Variants in PCDHA4 observed in about 807,000 individuals in gnomAD.
PCDHA4 encodes the protein protocadherin alpha 4, also known as protocadherin alpha-4.
A neutral mutation model predicts 61.4 loss-of-function variants in PCDHA4; 49 were observed. The ratio of observed to expected loss-of-function variants is 0.80; its 90% CI spans 0.63 to 1.01. The LOEUF (loss-of-function observed/expected upper bound fraction) is 1.01, where lower values mean the gene tolerates loss of function less well. Ranked by LOEUF, PCDHA4 falls within the 50% of genes least tolerant of loss-of-function variation. PCDHA4 has a pLI of 0.00. For synonymous variants in PCDHA4, 590 were observed against 550.3 expected (o/e 1.07, Z -1.01); for missense variants, 1,254 against 1,235.8 (o/e 1.01, Z -0.22).
At chr5:141,007,395 C>CAAAA (rs35800918) in intron 3 of PCDHA4, among the ~76,000 whole-genome samples, 7 of 94,852 alleles carry the variant, frequency 7.4e-5, no homozygotes, top group East Asian at 2.9e-4. Context: ...TACTAAAATA[C>CAAAA]AAAAAAAAAA....
rs781814958 is a variant in PCDHA4 at position 140,869,604 on chromosome 5, A to G, written c.2385+60032A>G. On this transcript the variant is annotated intron_variant, in intron 1 of 3. Transcript: ENST00000530339. ...ATGCTGACATTGAAGAGAATGCTCTATTGACCTACAGGCTAAGTAAAAATG... is the reference window on the plus strand; with the variant it reads ...ATGCTGACATTGAAGAGAATGCTCTGTTGACCTACAGGCTAAGTAAAAATG... 5 of 1,613,944 alleles carry G rather than the reference A, an allele frequency of 3.1e-6. No individual in the cohort carries two copies. In the African/African-American group the frequency reaches 4.0e-5, roughly 13 times the overall value.
chr5:140,886,122 C>T (rs1394228638), intron 1 of PCDHA4, among the ~76,000 whole-genome samples: 1 of 152,116 alleles, frequency 6.6e-6, no homozygotes, highest in Non-Finnish European at 1.5e-5. Context: ...AACATAGTTC[C>T]GTAACAACCA....
chr5:141,007,377 A>C (rs13186204), intron 3 of PCDHA4, among the ~76,000 whole-genome samples: 7,611 of 136,554 alleles, frequency 0.056, 239 homozygotes, highest in South Asian at 0.11. Flanking sequence ...ATGATGGAAC[A>C]CCATCTCTAC....
At chr5:140,998,903 G>C (rs1465203456) in intron 3 of PCDHA4, among the ~76,000 whole-genome samples, 1 of 152,156 alleles carries the variant, frequency 6.6e-6, no homozygotes, top group East Asian at 1.9e-4. Context: ...CAATGCCTCC[G>C]GGAGGTAGCT....
At chr5:140,836,476 T>G (rs2150261790) in intron 1 of PCDHA4, 1 of 1,613,860 alleles carries the variant, frequency 6.2e-7, no homozygotes, top group South Asian at 1.1e-5. Context: ...GATGTCAACG[T>G]GTACCTGATC....
intron 1 of PCDHA4, among the ~76,000 whole-genome samples, chr5:140,889,581 T>C (rs566040851): frequency 3.0e-4 from 45 of 152,324 alleles, no homozygotes; most frequent in Non-Finnish European, 4.3e-4. Flanking sequence ...ATTTTTGTTT[T>C]TGCTTTGAAA....
chr5:140,929,465 A>G (rs2086179280), intron 1 of PCDHA4: 1 of 1,322,058 alleles, frequency 7.6e-7, no homozygotes, highest in African/African-American at 1.5e-5. Flanking sequence ...CTGTGCCAAG[A>G]AATCTGGAAG....
intron 1 of PCDHA4, among the ~76,000 whole-genome samples, chr5:140,921,856 G>A (rs2080440097): frequency 6.6e-6 from 1 of 151,824 alleles, no homozygotes; most frequent in Non-Finnish European, 1.5e-5. Flanking sequence ...AGATGTGTGT[G>A]TATATATACA....
intron 1 of PCDHA4, among the ~76,000 whole-genome samples, chr5:140,962,475 T>C (rs772721001): frequency 2.0e-5 from 3 of 152,232 alleles, no homozygotes; most frequent in Non-Finnish European, 4.4e-5. Context: ...TCTCTTTGTT[T>C]ATTCTAAGCA....
At chr5:140,930,356 A>G (rs1554207746) in intron 1 of PCDHA4, 1 of 152,106 alleles carries the variant, frequency 6.6e-6, no homozygotes, top group African/African-American at 2.4e-5. Context: ...CAAATATTTC[A>G]ATTTATCTGT....
intron 1 of PCDHA4, among the ~76,000 whole-genome samples, chr5:140,964,992 A>G (rs1459979924): frequency 6.6e-6 from 1 of 152,098 alleles, no homozygotes; most frequent in Non-Finnish European, 1.5e-5. Flanking sequence ...CAGGCCTTTG[A>G]ATTCTGGGTG....
Position 140,928,819 on chromosome 5 carries a change from G to A in PCDHA4, c.2386-50130G>A, listed in dbSNP as rs1464149149. On this transcript the variant is annotated intron_variant, in intron 1 of 3. Coordinates refer to ENST00000530339, the MANE Select transcript of PCDHA4 (RefSeq NM_018907.4). ...GGTGGTAGTGGTTCGGGACCATGGAGACCCACCACTTTCCTCCTCTGTCAC... is the reference window on the plus strand; with the variant it reads ...GGTGGTAGTGGTTCGGGACCATGGAAACCCACCACTTTCCTCCTCTGTCAC... 8 of 1,614,024 alleles carry A rather than the reference G, an allele frequency of 5.0e-6. No homozygotes were observed. In the Admixed American group the frequency reaches 1.0e-4, roughly 20 times the overall value.
chr5:140,907,883 G>GTGAA (rs2073669227), intron 1 of PCDHA4, among the ~76,000 whole-genome samples: 1 of 152,110 alleles, frequency 6.6e-6, no homozygotes, highest in Non-Finnish European at 1.5e-5. Flanking sequence ...CACTCACATG[G>GTGAA]GATACAAATA....
chr5:140,941,191 T>TTTTTTC (rs1554213809), intron 1 of PCDHA4, among the ~76,000 whole-genome samples: 1 of 93,206 alleles, frequency 1.1e-5, no homozygotes, highest in African/African-American at 3.9e-5. Context: ...GCTTCTTTTT[T>TTTTTTC]TTTCTTTCTT....
At chr5:140,969,152 T>C in intron 1 of PCDHA4, 1 of 1,614,002 alleles carries the variant, frequency 6.2e-7, no homozygotes, top group East Asian at 2.2e-5. Flanking sequence ...CTACAAGGCC[T>C]GTCTGACAGC....
chr5:140,870,836 A>G (rs375475405), intron 1 of PCDHA4: 3 of 1,613,796 alleles, frequency 1.9e-6, no homozygotes, highest in Non-Finnish European at 2.5e-6. Flanking sequence ...GCAGTTAACA[A>G]GCTAGTACCG....
At chr5:140,905,944 A>G (rs2072219566) in intron 1 of PCDHA4, among the ~76,000 whole-genome samples, 3 of 152,216 alleles carry the variant, frequency 2.0e-5, no homozygotes, top group Non-Finnish European at 4.4e-5. Flanking sequence ...AGAACTTGGA[A>G]TCCGATGTTC....
At chr5:140,840,642 A>G (rs1776791475) in intron 1 of PCDHA4, among the ~76,000 whole-genome samples, 1 of 152,086 alleles carries the variant, frequency 6.6e-6, no homozygotes, top group Non-Finnish European at 1.5e-5. Flanking sequence ...ATATAGAGAA[A>G]TAGTGTAAAG....
intron 1 of PCDHA4, chr5:140,828,588 C>A: frequency 6.2e-7 from 1 of 1,614,210 alleles, no homozygotes; most frequent in South Asian, 1.1e-5. Context: ...GGCTCAAATT[C>A]CATCTTAACC....
Sources: gnomAD v4.1 joint callset for allele counts (sites outside exome capture counted in the v4.1 genomes callset) on GRCh38, gnomAD v4.1.1 for gene constraint, MANE v1.5 for transcripts, NCBI Gene and HGNC (gene_info 2026-07-23, HGNC 2026-07-21) for gene names.